ADARB2: variants seen among roughly 807,000 people sequenced by gnomAD.
The protein encoded by ADARB2 is adenosine deaminase RNA specific B2 (inactive), also known as inactive double-stranded RNA-specific editase B2.
In ADARB2, 25 loss-of-function variants were observed where a neutral mutation model predicts 62.2. The ratio of observed to expected loss-of-function variants is 0.40; its 90% confidence interval spans 0.29 to 0.56. The LOEUF (loss-of-function observed/expected upper bound fraction) is 0.56, where lower values mean the gene tolerates loss of function less well. Among genes scored for constraint, ADARB2 ranks in the 20% least tolerant of loss-of-function variants. ADARB2 has a pLI of 0.43. For missense variants in ADARB2, 1,071 were observed against 1,077.4 expected, an observed-to-expected ratio of 0.99 and a Z score of 0.08; for synonymous variants, 572 against 500.8, an observed-to-expected ratio of 1.14 and a Z score of -1.90.
intron 1 of ADARB2, among the ~76,000 whole-genome samples, chr10:1,623,047 T>C (rs942171474): frequency 1.3e-5 from 2 of 152,068 alleles, no homozygotes; most frequent in African/African-American, 4.8e-5. Context: ...CTCAAAAACA[T>C]TGTGCTGAGC....
At chr10:1,358,631 A>C (rs1832219073) in intron 3 of ADARB2, among the ~76,000 whole-genome samples, 1 of 55,802 alleles carries the variant, frequency 1.8e-5, no homozygotes, top group African/African-American at 6.5e-5. Flanking sequence ...GCAAATGGAA[A>C]GTTTTTTTTT....
intron 1 of ADARB2, among the ~76,000 whole-genome samples, chr10:1,383,449 C>G (rs1031534674): frequency 1.3e-5 from 2 of 150,420 alleles, no homozygotes; most frequent in African/African-American, 2.4e-5. Context: ...AAAAAAAAAG[C>G]GATGGCTTAT....
intron 1 of ADARB2, among the ~76,000 whole-genome samples, chr10:1,696,317 C>T (rs899765628): frequency 3.3e-5 from 5 of 151,846 alleles, no homozygotes; most frequent in African/African-American, 2.4e-5. Flanking sequence ...TATGTGTGCA[C>T]GTGTGTTTTG....
chr10:1,252,542 T>G (rs1315685244), intron 4 of ADARB2, among the ~76,000 whole-genome samples: 2 of 152,232 alleles, frequency 1.3e-5, no homozygotes, highest in Non-Finnish European at 2.9e-5. Context: ...CCCAGTCTCC[T>G]TGTGGTTGGT....
intron 1 of ADARB2, among the ~76,000 whole-genome samples, chr10:1,505,646 C>T (rs1055303420): frequency 1.3e-5 from 2 of 152,112 alleles, no homozygotes; most frequent in Non-Finnish European, 2.9e-5. Flanking sequence ...ACTCCCATCC[C>T]CACCATGGCA....
intron 3 of ADARB2, among the ~76,000 whole-genome samples, chr10:1,328,499 C>A (rs528280304): frequency 6.6e-6 from 1 of 151,956 alleles, no homozygotes; most frequent in African/African-American, 2.4e-5. Context: ...TTCAAACCCG[C>A]GTCCTGTTTT....
chr10:1,184,047 C>T (rs1038775421), intron 9 of ADARB2, among the ~76,000 whole-genome samples: 2 of 152,206 alleles, frequency 1.3e-5, no homozygotes, highest in Admixed American at 6.5e-5. Context: ...TGCCCTTGAG[C>T]GGACAGGACA....
chr10:1,574,701 G>C (rs890060942), intron 1 of ADARB2, among the ~76,000 whole-genome samples: 8 of 152,090 alleles, frequency 5.3e-5, no homozygotes, highest in Admixed American at 4.6e-4. Flanking sequence ...ATTGGAGTAG[G>C]GTCCACCCTA....
At chr10:1,400,429 C>G (rs1157718396) in intron 1 of ADARB2, among the ~76,000 whole-genome samples, 1 of 152,164 alleles carries the variant, frequency 6.6e-6, no homozygotes, top group South Asian at 2.1e-4. Flanking sequence ...CAGCAACCAG[C>G]AAAGCAAGTC....
intron 3 of ADARB2, among the ~76,000 whole-genome samples, chr10:1,299,746 C>T (rs535830511): frequency 9.1e-4 from 139 of 152,326 alleles, no homozygotes; most frequent in African/African-American, 3.3e-3. Flanking sequence ...CCTTCTGCTT[C>T]CTGACCTCCT....
chr10:1,265,116 A>G (rs895339647), intron 4 of ADARB2, among the ~76,000 whole-genome samples: 1 of 152,262 alleles, frequency 6.6e-6, no homozygotes, highest in South Asian at 2.1e-4. Flanking sequence ...CATCAGCTCT[A>G]CATTTCAGCT....
At chr10:1,617,021 A>G (rs1833645947) in intron 1 of ADARB2, among the ~76,000 whole-genome samples, 1 of 150,362 alleles carries the variant, frequency 6.7e-6, no homozygotes, top group East Asian at 2.0e-4. Flanking sequence ...CCGTCCAGAC[A>G]CACTCCACAC....
In ADARB2 at chr10:1,695,775, T is replaced by A. The variant is rs192293844; in HGVS notation, c.100+41276A>T. Among the ~76,000 whole-genome samples, 7 of 152,336 alleles carry A rather than the reference T, an allele frequency of 4.6e-5. No individual in the cohort carries two copies. In the East Asian group the frequency reaches 1.2e-3, roughly 25 times the overall value. On this transcript the variant is annotated intron_variant, in intron 1 of 9. Transcript: ENST00000381312. ...GGAAACATGCATGTGTAGGTGTGTC[T>A]GTGCATACACATGGGTGCATGTGTG...
rs375807102 is a variant in ADARB2 at position 1,652,667 on chromosome 10, C to T, written c.100+84384G>A. Among the ~76,000 whole-genome samples the T allele has an allele frequency of 5.9e-5, 9 of 152,094 alleles. No homozygotes were observed. In the East Asian group the frequency reaches 7.7e-4, roughly 13 times the overall value. The stretch of plus-strand genomic sequence containing the variant: ...ATTGTTGTTCTTGGTTTGTGTTGAC[C>T]TTTTCAGTCCTCATGAAAACAAGCC... On this transcript the variant is annotated intron_variant, in intron 1 of 9. Coordinates refer to ENST00000381312, the MANE Select transcript of ADARB2 (RefSeq NM_018702.4).
chr10:1,367,143 G>A (rs566193517), intron 2 of ADARB2, among the ~76,000 whole-genome samples: 7 of 152,264 alleles, frequency 4.6e-5, no homozygotes, highest in African/African-American at 1.7e-4. Context: ...GCACCTTTGC[G>A]AGGTATCCTG....
At position 1,327,524 on chromosome 10, in the gene ADARB2, A is replaced by C. The variant is rs1257869701; in HGVS notation, c.1077+35504T>G. ...TCACTGCCCAGCGCCTCCCCATGGC[A>C]CAGCGCCTCCTCACTGCCCAGCGCC... On this transcript the variant is annotated intron_variant, in intron 3 of 9. Coordinates refer to ENST00000381312, the MANE Select transcript of ADARB2 (RefSeq NM_018702.4). Among the ~76,000 whole-genome samples, 6 of 39,976 alleles carry C rather than the reference A, an allele frequency of 1.5e-4. 1 individual carries two copies. Among genetic ancestry groups the C allele is most frequent in the African/African-American group, 6.8e-4 (6 of 8,808 alleles). The allele number at this position is 39,976 out of a possible 152,430, so 26.2% of individuals were successfully genotyped here.
intron 1 of ADARB2, among the ~76,000 whole-genome samples, chr10:1,628,444 C>T (rs115792230): frequency 0.012 from 1,765 of 152,206 alleles, 39 homozygotes; most frequent in African/African-American, 0.041. Context: ...GTGAAGGCAC[C>T]GGGAGGAACT....
intron 4 of ADARB2, among the ~76,000 whole-genome samples, chr10:1,243,599 C>A (rs868800111): frequency 1.3e-5 from 2 of 152,206 alleles, no homozygotes; most frequent in Non-Finnish European, 2.9e-5. Context: ...GATCTTTCTT[C>A]GTGAGATAAA....
In ADARB2 at chr10:1,341,407, C is replaced by A. The variant is rs528546129; in HGVS notation, c.1077+21621G>T. ...ACCACATGCCCCACAGCGGCAATAACCAGCATCCACCAGAGAACGACGCAC... is the reference window on the plus strand; with the variant it reads ...ACCACATGCCCCACAGCGGCAATAAACAGCATCCACCAGAGAACGACGCAC... On this transcript the variant is annotated intron_variant, in intron 3 of 9. Transcript: ENST00000381312. Among the ~76,000 whole-genome samples, 4 of 146,778 alleles carry A rather than the reference C, an allele frequency of 2.7e-5. No homozygotes were observed. The East Asian group carries it at 8.3e-4, about 30-fold the overall frequency.
Sources: gnomAD v4.1 joint callset for allele counts (sites outside exome capture counted in the v4.1 genomes callset) on GRCh38, gnomAD v4.1.1 for gene constraint, MANE v1.5 for transcripts, NCBI Gene and HGNC (gene_info 2026-07-23, HGNC 2026-07-21) for gene names.